The following CTNNA2 variants were observed in gnomAD, a reference collection of about 807,000 sequenced individuals.
The protein encoded by CTNNA2 is catenin alpha 2, also known as catenin alpha-2.
In CTNNA2, 42 loss-of-function variants were observed where a neutral mutation model predicts 101.0. That is an observed-to-expected ratio of 0.42 (90% confidence interval 0.32 to 0.54). The LOEUF is 0.54. CTNNA2 is among the 20% of genes least tolerant of loss of function. CTNNA2 has a pLI of 0.14. For synonymous variants in CTNNA2, 450 were observed against 456.4 expected (o/e 0.99, Z 0.18); for missense variants, 871 against 1,223.1 (o/e 0.71, Z 4.29).
chr2:79,905,433 C>G (rs1255550523), intron 6 of CTNNA2, among the ~76,000 whole-genome samples: 1 of 152,096 alleles, frequency 6.6e-6, no homozygotes, highest in Non-Finnish European at 1.5e-5. Context: ...AAAGAATGAA[C>G]TAAAATAAGT....
intron 9 of CTNNA2, among the ~76,000 whole-genome samples, chr2:80,438,861 T>G (rs75776269): frequency 0.07 from 10,660 of 152,198 alleles, 548 homozygotes; most frequent in East Asian, 0.15. Context: ...GAGACCTTGT[T>G]TGCTAAAAGG....
chr2:79,782,157 A>G (rs2902092), intron 3 of CTNNA2, among the ~76,000 whole-genome samples: 39,484 of 152,124 alleles, frequency 0.26, 5,529 homozygotes, highest in South Asian at 0.41. Context: ...GTTTAATTTT[A>G]TATATAAAAT....
intron 12 of CTNNA2, among the ~76,000 whole-genome samples, chr2:80,556,826 T>C (rs1034334612): frequency 6.6e-6 from 1 of 152,192 alleles, no homozygotes; most frequent in East Asian, 1.9e-4. Flanking sequence ...TGCATATATA[T>C]GCACAGAAGG....
chr2:79,664,379 C>T (rs1682247555), intron 2 of CTNNA2, among the ~76,000 whole-genome samples: 1 of 152,120 alleles, frequency 6.6e-6, no homozygotes, highest in Admixed American at 6.6e-5. Flanking sequence ...ATTAAAGTTT[C>T]TCAACCATTA....
intron 7 of CTNNA2, among the ~76,000 whole-genome samples, chr2:80,353,496 G>A (rs1202326433): frequency 6.6e-6 from 1 of 152,060 alleles, no homozygotes; most frequent in Non-Finnish European, 1.5e-5. Flanking sequence ...AGTTGAATTG[G>A]ATACATTTAA....
chr2:79,368,709 A>T (rs1677804572), intron 3 of CTNNA2, among the ~76,000 whole-genome samples: 1 of 151,976 alleles, frequency 6.6e-6, no homozygotes, highest in Admixed American at 6.6e-5. Flanking sequence ...TAAACGCTAC[A>T]CCCTTCCCTT....
intron 7 of CTNNA2, among the ~76,000 whole-genome samples, chr2:80,211,158 G>T (rs541010002): frequency 6.6e-5 from 10 of 152,192 alleles, no homozygotes; most frequent in African/African-American, 2.4e-4. Flanking sequence ...TTCTCCCATT[G>T]TGTAGGTTGC....
intron 4 of CTNNA2, among the ~76,000 whole-genome samples, chr2:79,450,360 C>A (rs1678876845): frequency 6.6e-6 from 1 of 152,002 alleles, no homozygotes; most frequent in Non-Finnish European, 1.5e-5. Flanking sequence ...ACTGAGTCAA[C>A]CCTCCCATGC....
chr2:80,573,896 C>T (rs1189743543), intron 12 of CTNNA2, among the ~76,000 whole-genome samples: 1 of 152,128 alleles, frequency 6.6e-6, no homozygotes, highest in African/African-American at 2.4e-5. Flanking sequence ...CACACTACAC[C>T]ACACTACTGT....
intron 7 of CTNNA2, among the ~76,000 whole-genome samples, chr2:79,926,233 C>T (rs189971142): frequency 1.2e-4 from 18 of 152,202 alleles, no homozygotes; most frequent in African/African-American, 4.3e-4. Flanking sequence ...TGACTCTATG[C>T]CATACCTTCC....
chr2:79,312,523 T>C (rs1676404866), intron 2 of CTNNA2, among the ~76,000 whole-genome samples: 1 of 152,168 alleles, frequency 6.6e-6, no homozygotes, highest in Admixed American at 6.5e-5. Flanking sequence ...AGGTATTAGA[T>C]TGTGTTTAAA....
chr2:79,296,085 T>C (rs1675973764), intron 2 of CTNNA2, among the ~76,000 whole-genome samples: 1 of 152,208 alleles, frequency 6.6e-6, no homozygotes, highest in Admixed American at 6.5e-5. Flanking sequence ...TAAACACTTA[T>C]TAATAGTTCA....
intron 3 of CTNNA2, among the ~76,000 whole-genome samples, chr2:79,795,221 T>C (rs551295346): frequency 2.0e-5 from 3 of 152,284 alleles, no homozygotes; most frequent in South Asian, 4.1e-4. Context: ...AACTATGATA[T>C]CTTTTTATAT....
chr2:79,960,465 A>G (rs1689552459), intron 7 of CTNNA2, among the ~76,000 whole-genome samples: 2 of 152,246 alleles, frequency 1.3e-5, no homozygotes, highest in South Asian at 4.1e-4. Flanking sequence ...ACAATATTAT[A>G]GTGCTGCGAT....
intron 15 of CTNNA2, among the ~76,000 whole-genome samples, chr2:80,591,439 C>G (rs12714012): frequency 0.034 from 4,227 of 123,678 alleles, 103 homozygotes; most frequent in Admixed American, 0.079. Context: ...TTCATTGCTG[C>G]CTCCATCTGC....
intron 7 of CTNNA2, among the ~76,000 whole-genome samples, chr2:80,224,037 C>T (rs1708727306): frequency 1.3e-5 from 2 of 152,160 alleles, no homozygotes; most frequent in South Asian, 2.1e-4. Context: ...TCGATTGTCC[C>T]AGCCAGAGAA....
chr2:80,351,045 A>G (rs1432870177), intron 7 of CTNNA2, among the ~76,000 whole-genome samples: 9 of 152,188 alleles, frequency 5.9e-5, no homozygotes, highest in African/African-American at 1.9e-4. Context: ...TCTCGTGATG[A>G]GCTCTAACAG....
chr2:80,359,167 G>C (rs568896123), intron 7 of CTNNA2, among the ~76,000 whole-genome samples: 1 of 152,148 alleles, frequency 6.6e-6, no homozygotes, highest in Non-Finnish European at 1.5e-5. Flanking sequence ...CTTGAGCTCA[G>C]GAGTTCAAGA....
At chr2:79,648,753 A>G (rs1201084035) in intron 1 of CTNNA2, among the ~76,000 whole-genome samples, 3 of 152,120 alleles carry the variant, frequency 2.0e-5, no homozygotes, top group Non-Finnish European at 4.4e-5. Flanking sequence ...CCTTTTGTTC[A>G]TTGCTAATGT....
Sources: gnomAD v4.1 joint callset for allele counts (sites outside exome capture counted in the v4.1 genomes callset) on GRCh38, gnomAD v4.1.1 for gene constraint, MANE v1.5 for transcripts, NCBI Gene and HGNC (gene_info 2026-07-23, HGNC 2026-07-21) for gene names.